Variants in CACNA2D3 observed in about 807,000 individuals in gnomAD.
The protein encoded by CACNA2D3 is calcium voltage-gated channel auxiliary subunit alpha2delta 3, also known as voltage-dependent calcium channel subunit alpha-2/delta-3.
A neutral mutation model predicts 160.6 loss-of-function variants in CACNA2D3; 60 were observed. That is an observed-to-expected ratio of 0.37 (90% CI 0.30 to 0.46). CACNA2D3 has a LOEUF of 0.46. Among genes scored for constraint, CACNA2D3 ranks in the 20% least tolerant of loss-of-function variants. CACNA2D3 has a pLI of 1.00. For synonymous variants in CACNA2D3, 558 were observed against 492.9 expected, an observed-to-expected ratio of 1.13 and a Z score of -1.75; for missense variants, 1,205 against 1,365.0, an observed-to-expected ratio of 0.88 and a Z score of 1.85.
At chr3:54,489,909 A>T (rs1701080103) in intron 4 of CACNA2D3, among the ~76,000 whole-genome samples, 1 of 152,152 alleles carries the variant, frequency 6.6e-6, no homozygotes, top group Non-Finnish European at 1.5e-5. Context: ...ACAGATCATT[A>T]AAAAAATCAT....
rs963355765 is a variant in CACNA2D3 at position 54,386,821 on chromosome 3, A to G, written c.381+47A>G. The G allele has an allele frequency of 4.7e-6, 7 of 1,502,288 alleles. No homozygotes were observed. In the Admixed American group the frequency reaches 7.9e-5, roughly 17 times the overall value. The allele number at this position is 1,502,288 out of a possible 1,614,324, so 93.1% of individuals were successfully genotyped here. On this transcript the variant is annotated intron_variant, in intron 4 of 37. Coordinates refer to ENST00000474759, the MANE Select transcript of CACNA2D3 (RefSeq NM_018398.3). ...TAAATTGTTTTGTGTGTTTCCTGCCAAAGGACAAGTACCAGGTATACCAGG... is the reference window on the plus strand; with the variant it reads ...TAAATTGTTTTGTGTGTTTCCTGCCGAAGGACAAGTACCAGGTATACCAGG...
intron 13 of CACNA2D3, among the ~76,000 whole-genome samples, chr3:54,770,544 T>G (rs527243604): frequency 2.9e-4 from 44 of 152,320 alleles, no homozygotes; most frequent in Non-Finnish European, 4.3e-4. Flanking sequence ...CTGCACTTTT[T>G]TTGTTGTTTT....
intron 11 of CACNA2D3, among the ~76,000 whole-genome samples, chr3:54,696,097 G>T (rs1323436493): frequency 6.6e-6 from 1 of 152,180 alleles, no homozygotes; most frequent in Non-Finnish European, 1.5e-5. Flanking sequence ...GGAGTGGGTT[G>T]TGTTCCTGTC....
intron 9 of CACNA2D3, among the ~76,000 whole-genome samples, chr3:54,618,348 C>CATAT (rs1553752911): frequency 1.2e-4 from 2 of 16,972 alleles, no homozygotes; most frequent in African/African-American, 2.7e-4. Context: ...GATGTTGATA[C>CATAT]ATACATATAT....
chr3:54,256,633 G>T (rs1235157571), intron 2 of CACNA2D3, among the ~76,000 whole-genome samples: 1 of 151,928 alleles, frequency 6.6e-6, no homozygotes, highest in Non-Finnish European at 1.5e-5. Flanking sequence ...AGAATATGAT[G>T]AATGACACAC....
chr3:54,381,049 G>A (rs1442813894), intron 3 of CACNA2D3, among the ~76,000 whole-genome samples: 1 of 152,008 alleles, frequency 6.6e-6, no homozygotes, highest in Non-Finnish European at 1.5e-5. Context: ...AGAAAAAAAG[G>A]CAATAAAAAG....
intron 5 of CACNA2D3, among the ~76,000 whole-genome samples, chr3:54,549,581 T>C (rs1327263957): frequency 6.6e-6 from 1 of 152,206 alleles, no homozygotes; most frequent in Admixed American, 6.5e-5. Flanking sequence ...CGTGACTGTG[T>C]AGTGACGTGT....
At chr3:54,652,944 G>A (rs1036433068) in intron 11 of CACNA2D3, among the ~76,000 whole-genome samples, 4 of 151,908 alleles carry the variant, frequency 2.6e-5, no homozygotes, top group African/African-American at 9.7e-5. Context: ...CACCACACCC[G>A]GCTAATTTTT....
At chr3:54,911,550 C>G (rs1022002468) in intron 27 of CACNA2D3, among the ~76,000 whole-genome samples, 2 of 151,664 alleles carry the variant, frequency 1.3e-5, no homozygotes, top group Non-Finnish European at 2.9e-5. Context: ...TACCTACAAC[C>G]AATCTGCCTA....
At chr3:54,670,327 C>T (rs980172451) in intron 11 of CACNA2D3, among the ~76,000 whole-genome samples, 1 of 152,180 alleles carries the variant, frequency 6.6e-6, no homozygotes, top group African/African-American at 2.4e-5. Flanking sequence ...GGCGTTTCCT[C>T]CTGGAGTTCA....
At chr3:54,785,102 C>T (rs1175776476) in intron 13 of CACNA2D3, among the ~76,000 whole-genome samples, 4 of 152,214 alleles carry the variant, frequency 2.6e-5, no homozygotes, top group Non-Finnish European at 2.9e-5. Flanking sequence ...ACCACAGTAG[C>T]CACCAGCAGA....
intron 24 of CACNA2D3, among the ~76,000 whole-genome samples, chr3:54,890,280 A>G (rs1700026692): frequency 6.6e-6 from 1 of 152,128 alleles, no homozygotes; most frequent in African/African-American, 2.4e-5. Context: ...GCAGATCACA[A>G]TGGCAGGAGA....
intron 2 of CACNA2D3, among the ~76,000 whole-genome samples, chr3:54,315,709 G>C (rs1703844512): frequency 1.3e-5 from 2 of 151,864 alleles, no homozygotes; most frequent in Admixed American, 6.6e-5. Context: ...AAATTAATAG[G>C]TGAAAAGCTT....
At chr3:54,403,303 C>G (rs1217594325) in intron 4 of CACNA2D3, among the ~76,000 whole-genome samples, 1 of 150,810 alleles carries the variant, frequency 6.6e-6, no homozygotes, top group Non-Finnish European at 1.5e-5. Flanking sequence ...TTCAATGAGC[C>G]AAGATTATGC....
intron 35 of CACNA2D3, among the ~76,000 whole-genome samples, chr3:55,056,559 G>A (rs916504543): frequency 1.3e-5 from 2 of 152,154 alleles, no homozygotes; most frequent in African/African-American, 4.8e-5. Flanking sequence ...CAACCTAAGT[G>A]TTCATCAATA....
chr3:54,815,830 C>T (rs1179366007), intron 13 of CACNA2D3, among the ~76,000 whole-genome samples: 4 of 152,124 alleles, frequency 2.6e-5, no homozygotes, highest in African/African-American at 4.8e-5. Context: ...AGTTCACACT[C>T]GATAAATGTT....
intron 3 of CACNA2D3, among the ~76,000 whole-genome samples, chr3:54,377,593 C>T (rs1472795148): frequency 6.6e-6 from 1 of 152,178 alleles, no homozygotes; most frequent in Non-Finnish European, 1.5e-5. Flanking sequence ...CACTGAGGTA[C>T]AGACTAAAGG....
At chr3:54,290,737 T>C (rs545040796) in intron 2 of CACNA2D3, among the ~76,000 whole-genome samples, 1 of 151,684 alleles carries the variant, frequency 6.6e-6, no homozygotes, top group Non-Finnish European at 1.5e-5. Context: ...CCATAAAAAA[T>C]GATGAGTTCA....
intron 11 of CACNA2D3, among the ~76,000 whole-genome samples, chr3:54,738,765 C>T (rs929688231): frequency 1.6e-4 from 24 of 152,158 alleles, no homozygotes; most frequent in Non-Finnish European, 8.8e-5. Flanking sequence ...CCCATATGAT[C>T]CTACCTTCTT....
Sources: allele counts gnomAD v4.1 joint callset (sites outside exome capture counted in the v4.1 genomes callset), GRCh38; gene constraint gnomAD v4.1.1; transcripts MANE v1.5; gene names NCBI Gene and HGNC (gene_info 2026-07-23, HGNC 2026-07-21).